GJB7: variants seen among roughly 807,000 people sequenced by gnomAD.
GJB7 encodes the protein gap junction beta-7 protein.
For missense variants in GJB7, 253 were observed against 256.8 expected (o/e 0.99, Z 0.10); for synonymous variants, 87 against 95.2 (o/e 0.91, Z 0.50).
chr6:87,326,090 T>C (rs988740984), intron 1 of GJB7, among the ~76,000 whole-genome samples: 9 of 152,366 alleles, frequency 5.9e-5, no homozygotes, highest in Admixed American at 2.0e-4. Flanking sequence ...GTAGTTTGTA[T>C]TTCTGTGGGA....
intron 2 of GJB7, among the ~76,000 whole-genome samples, chr6:87,312,078 G>T (rs970876719): frequency 1.3e-5 from 2 of 152,142 alleles, no homozygotes; most frequent in African/African-American, 4.8e-5. Flanking sequence ...CTAGGATGCT[G>T]GTGATATTCC....
chr6:87,302,007 T>A (rs550491809), intron 2 of GJB7, among the ~76,000 whole-genome samples: 1 of 152,058 alleles, frequency 6.6e-6, no homozygotes, highest in Admixed American at 6.6e-5. Context: ...ACAAAGGACA[T>A]CCACACCAAA....
intron 2 of GJB7, among the ~76,000 whole-genome samples, chr6:87,309,134 C>T (rs991617910): frequency 1.1e-4 from 17 of 152,154 alleles, no homozygotes; most frequent in Admixed American, 8.5e-4. Flanking sequence ...GGCTGACACA[C>T]GTTGTTGCTG....
intron 2 of GJB7, among the ~76,000 whole-genome samples, chr6:87,317,636 A>T (rs1776602020): frequency 6.6e-6 from 1 of 152,084 alleles, no homozygotes; most frequent in African/African-American, 2.4e-5. Context: ...TCATCATTTT[A>T]GCCAGGCTGG....
Position 87,314,122 on chromosome 6 carries a change from C to G in GJB7, c.-28+8744G>C, listed in dbSNP as rs142596418. Among the ~76,000 whole-genome samples the G allele has an allele frequency of 2.3e-3, 345 of 152,324 alleles. 3 individuals carry two copies. Among genetic ancestry groups the G allele is most frequent in the African/African-American group, 8.1e-3 (336 of 41,560 alleles). ...TTAAAGTTGTTTTATTTCACAGGCACTGTATGGTAAGCAGCAATTTCTAGT... is the reference window on the plus strand; with the variant it reads ...TTAAAGTTGTTTTATTTCACAGGCAGTGTATGGTAAGCAGCAATTTCTAGT... On this transcript the variant is annotated intron_variant, in intron 2 of 2. Transcript: ENST00000525899.
intron 2 of GJB7, among the ~76,000 whole-genome samples, chr6:87,305,713 T>C (rs973592690): frequency 8.5e-5 from 13 of 152,084 alleles, no homozygotes; most frequent in African/African-American, 3.1e-4. Flanking sequence ...GAGCCAGCAT[T>C]GCCAAGTCAA....
intron 2 of GJB7, among the ~76,000 whole-genome samples, chr6:87,301,834 C>T (rs1174492158): frequency 6.6e-6 from 1 of 152,198 alleles, no homozygotes; most frequent in African/African-American, 2.4e-5. Context: ...GACGAAGCTT[C>T]CAGAGGAATG....
chr6:87,304,893 T>G (rs1000096296), intron 2 of GJB7, among the ~76,000 whole-genome samples: 2 of 152,150 alleles, frequency 1.3e-5, no homozygotes, highest in Non-Finnish European at 2.9e-5. Flanking sequence ...ATGAACGTAA[T>G]CCAGCATATA....
chr6:87,288,830 C>T (rs1359857942), intron 2 of GJB7, among the ~76,000 whole-genome samples: 2 of 152,194 alleles, frequency 1.3e-5, no homozygotes, highest in Non-Finnish European at 2.9e-5. Flanking sequence ...GCGCTTCCAC[C>T]ACTCTAATCC....
intron 1 of GJB7, among the ~76,000 whole-genome samples, chr6:87,328,070 T>A (rs1352441380): frequency 6.6e-6 from 1 of 152,212 alleles, no homozygotes; most frequent in Non-Finnish European, 1.5e-5. Context: ...TTCTGCATTC[T>A]TCACGTAGTT....
At chr6:87,291,215 C>T (rs922677168) in intron 2 of GJB7, among the ~76,000 whole-genome samples, 1 of 152,016 alleles carries the variant, frequency 6.6e-6, no homozygotes, top group African/African-American at 2.4e-5. Context: ...TAATTGTACT[C>T]GTTTTGTAAT....
intron 2 of GJB7, chr6:87,299,255 T>A (rs889809548): frequency 2.2e-6 from 1 of 464,328 alleles, no homozygotes; most frequent in African/African-American, 2.0e-5. Flanking sequence ...CCTGGAGAAA[T>A]TGCTCAGGTT....
intron 1 of GJB7, among the ~76,000 whole-genome samples, chr6:87,328,743 A>T (rs1398764133): frequency 3.3e-5 from 5 of 152,174 alleles, no homozygotes; most frequent in East Asian, 1.9e-4. Flanking sequence ...GAGCCTACAG[A>T]GGCAGGCAGG....
intron 2 of GJB7, chr6:87,299,174 A>G (rs1417604010): frequency 2.2e-5 from 10 of 453,752 alleles, no homozygotes; most frequent in Admixed American, 2.2e-4. Context: ...TCCTGTGGAA[A>G]TCAGAAGTGT....
chr6:87,296,416 A>G (rs982418785), intron 2 of GJB7, among the ~76,000 whole-genome samples: 1 of 152,204 alleles, frequency 6.6e-6, no homozygotes, highest in Non-Finnish European at 1.5e-5. Context: ...TTATACTTTA[A>G]ATGTACCCTG....
intron 2 of GJB7, among the ~76,000 whole-genome samples, chr6:87,303,850 T>C (rs1373825657): frequency 6.6e-6 from 1 of 152,090 alleles, no homozygotes. Context: ...ACAATCAAAC[T>C]AGAACTCAGG....
In GJB7 at chr6:87,283,851, TCCCTGAA is replaced by T. The variant is rs1776012767; in HGVS notation, c.*383_*389del. The T allele has an allele frequency of 6.7e-6, 1 of 149,024 alleles. No homozygotes were observed. Among genetic ancestry groups the T allele is most frequent in the South Asian group, 2.1e-4 (1 of 4,780 alleles). 9.2% of individuals were successfully genotyped at this position (149,024 alleles called of 1,614,324 possible). A position where few individuals can be genotyped will look rare whatever the true frequency, so the allele number is the denominator to read the frequency against. On this transcript the variant is annotated 3_prime_UTR_variant, in exon 3 of 3. Transcript: ENST00000525899. ...CACAGGGTTTCTTTTTTTTTTTTTT[TCCCTGAA>T]AAATCTAAGCTCTTAAAAGAATCCT...
chr6:87,306,507 T>C (rs1776429869), intron 2 of GJB7, among the ~76,000 whole-genome samples: 1 of 152,080 alleles, frequency 6.6e-6, no homozygotes, highest in South Asian at 2.1e-4. Flanking sequence ...ATGGCCATCA[T>C]TAAAAAGTCA....
At chr6:87,309,914 C>T (rs976408589) in intron 2 of GJB7, among the ~76,000 whole-genome samples, 6 of 152,154 alleles carry the variant, frequency 3.9e-5, no homozygotes, top group Non-Finnish European at 1.5e-5. Flanking sequence ...AAAGACCTTG[C>T]TGCAGAACAC....
Sources: allele counts gnomAD v4.1 joint callset (sites outside exome capture counted in the v4.1 genomes callset), GRCh38; gene constraint gnomAD v4.1.1; transcripts MANE v1.5; gene names NCBI Gene and HGNC (gene_info 2026-07-23, HGNC 2026-07-21).